IQCJ: variants seen among roughly 807,000 people sequenced by gnomAD.
IQCJ encodes the protein IQ motif containing J.
IQCJ carries 9 observed loss-of-function variants against 11.0 expected under a neutral mutation model. The observed-to-expected ratio is 0.82, with a 90% CI of 0.49 to 1.43. The LOEUF (loss-of-function observed/expected upper bound fraction) is 1.43. Ranked by LOEUF, IQCJ falls within the 40% of genes most tolerant of loss-of-function variation. IQCJ has a pLI of 0.00. For missense variants in IQCJ, 146 were observed against 133.2 expected, an observed-to-expected ratio of 1.10 and a Z score of -0.47; for synonymous variants, 55 against 51.3, an observed-to-expected ratio of 1.07 and a Z score of -0.31.
intron 1 of IQCJ, among the ~76,000 whole-genome samples, chr3:159,208,047 G>A (rs1361298564): frequency 1.2e-4 from 19 of 152,078 alleles, no homozygotes; most frequent in Admixed American, 6.5e-4. Flanking sequence ...TGCATTTGCC[G>A]GTATGGGAGT....
At chr3:159,127,854 A>G (rs910281959) in intron 1 of IQCJ, among the ~76,000 whole-genome samples, 4 of 152,190 alleles carry the variant, frequency 2.6e-5, no homozygotes, top group Non-Finnish European at 5.9e-5. Context: ...TTTGTACAAC[A>G]TGTACCAAAG....
chr3:159,195,341 G>A (rs2108050815), intron 1 of IQCJ, among the ~76,000 whole-genome samples: 1 of 152,264 alleles, frequency 6.6e-6, no homozygotes, highest in African/African-American at 2.4e-5. Flanking sequence ...CTTGACCCTG[G>A]TTATTGGTTT....
At chr3:159,123,801 G>T (rs1719515981) in intron 1 of IQCJ, among the ~76,000 whole-genome samples, 2 of 152,126 alleles carry the variant, frequency 1.3e-5, no homozygotes. Context: ...TTGCCTGTCT[G>T]TGATTTAGTG....
intron 1 of IQCJ, among the ~76,000 whole-genome samples, chr3:159,139,545 C>T (rs571287087): frequency 6.6e-5 from 10 of 152,238 alleles, no homozygotes; most frequent in African/African-American, 2.4e-4. Context: ...GTCTACTTGC[C>T]AAAGTTCTGC....
In IQCJ at chr3:159,255,275, T is replaced by G. The variant is rs112563850; in HGVS notation, c.155+2468T>G. Among the ~76,000 whole-genome samples the G allele has an allele frequency of 4.5e-3, 691 of 152,220 alleles. 6 individuals are homozygous for G. The highest frequency in any genetic ancestry group is 0.015 in the African/African-American group (638 of 41,528). On this transcript the variant is annotated intron_variant, in intron 3 of 3. Transcript: ENST00000397832. ...CCTGAAGGCTCTCCTTTCCCCTCCA[T>G]GATGAGAAAAGAGTAAACAGTTCCC...
downstream of IQCJ, among the ~76,000 whole-genome samples, chr3:159,263,956 G>A (rs1728360583): frequency 6.6e-6 from 1 of 152,180 alleles, no homozygotes; most frequent in Non-Finnish European, 1.5e-5. Context: ...ACTGGAAAAT[G>A]CCAGGGCTTC....
chr3:159,069,824 T>C, intron 1 of IQCJ: 1 of 462,982 alleles, frequency 2.2e-6, no homozygotes, highest in South Asian at 1.6e-5. Context: ...TAAACACTTA[T>C]TTAAAAAGCC....
At chr3:159,174,789 TGTA>T (rs571466283) in intron 1 of IQCJ, among the ~76,000 whole-genome samples, 1 of 152,168 alleles carries the variant, frequency 6.6e-6, no homozygotes, top group Non-Finnish European at 1.5e-5. Context: ...TGCATTATTT[TGTA>T]GTATTTTTTT....
chr3:159,170,466 A>G (rs1722427498), intron 1 of IQCJ, among the ~76,000 whole-genome samples: 1 of 152,210 alleles, frequency 6.6e-6, no homozygotes, highest in African/African-American at 2.4e-5. Context: ...GATGGACACT[A>G]ACATTCAGTT....
chr3:159,124,043 A>C (rs1406538403), intron 1 of IQCJ, among the ~76,000 whole-genome samples: 1 of 152,056 alleles, frequency 6.6e-6, no homozygotes, highest in Non-Finnish European at 1.5e-5. Flanking sequence ...TATGTATCTT[A>C]TTTCAATGCC....
intron 1 of IQCJ, among the ~76,000 whole-genome samples, chr3:159,169,191 A>C (rs1387866268): frequency 1.3e-5 from 2 of 151,938 alleles, no homozygotes; most frequent in Admixed American, 1.3e-4. Context: ...TTGCCAAAGA[A>C]TGTATAACTT....
At chr3:159,206,647 T>C (rs1434300915) in intron 1 of IQCJ, among the ~76,000 whole-genome samples, 1 of 152,228 alleles carries the variant, frequency 6.6e-6, no homozygotes, top group African/African-American at 2.4e-5. Context: ...TAGATTCTAC[T>C]ACCACATTCC....
At chr3:159,154,802 C>T (rs1721423140) in intron 1 of IQCJ, among the ~76,000 whole-genome samples, 1 of 152,128 alleles carries the variant, frequency 6.6e-6, no homozygotes, top group South Asian at 2.1e-4. Flanking sequence ...CTGGTGTCAC[C>T]CCTGTAGCCA....
At chr3:159,108,158 C>T (rs1718391412) in intron 1 of IQCJ, among the ~76,000 whole-genome samples, 1 of 152,014 alleles carries the variant, frequency 6.6e-6, no homozygotes, top group Non-Finnish European at 1.5e-5. Flanking sequence ...GCCAGAGGTC[C>T]CAAGAAGCTA....
chr3:159,220,288 C>T (rs1209818010), intron 1 of IQCJ, among the ~76,000 whole-genome samples: 2 of 152,070 alleles, frequency 1.3e-5, no homozygotes, highest in Non-Finnish European at 2.9e-5. Context: ...TCTCCAGTAC[C>T]TTAGAATGTG....
rs1007140316 is a variant in IQCJ, at chr3:159,251,074, A to G, written c.75-1653A>G. Among the ~76,000 whole-genome samples the G allele has an allele frequency of 2.0e-5, 3 of 152,144 alleles. 1 individual carries two copies. Among genetic ancestry groups the G allele is most frequent in the South Asian group, 4.1e-4 (2 of 4,830 alleles). On this transcript the variant is annotated intron_variant, in intron 2 of 3. Transcript: ENST00000397832. The stretch of plus-strand genomic sequence containing the variant: ...CCCTGAATACCAATGGCACAGAGTA[A>G]ACAAGAGTGCTTCCTTGCCCCTCAA...
chr3:159,149,753 C>T lies in IQCJ; in HGVS notation c.9+80312C>T, dbSNP rs552966856. On this transcript the variant is annotated intron_variant, in intron 1 of 3. Transcript: ENST00000397832. ...GTAAATTGGATTTGAAGGATTTACT[C>T]GGCTAAGCCTATTGTTCTTATATCC... Among the ~76,000 whole-genome samples the T allele has an allele frequency of 7.9e-5, 12 of 152,270 alleles. No individual in the cohort carries two copies. In the South Asian group the frequency reaches 1.5e-3, roughly 18 times the overall value.
intron 1 of IQCJ, among the ~76,000 whole-genome samples, chr3:159,121,728 A>G (rs1222704056): frequency 6.6e-6 from 1 of 152,178 alleles, no homozygotes; most frequent in African/African-American, 2.4e-5. Flanking sequence ...CGAAGTAAAC[A>G]TGAGAGCTAG....
At chr3:159,232,035 G>A (rs1017197730) in intron 1 of IQCJ, among the ~76,000 whole-genome samples, 1 of 151,884 alleles carries the variant, frequency 6.6e-6, no homozygotes, top group Non-Finnish European at 1.5e-5. Flanking sequence ...TTCTTTATTA[G>A]TCTGGCTAGT....
Sources: allele counts gnomAD v4.1 joint callset (sites outside exome capture counted in the v4.1 genomes callset), GRCh38; gene constraint gnomAD v4.1.1; transcripts MANE v1.5; gene names NCBI Gene and HGNC (gene_info 2026-07-23, HGNC 2026-07-21).